Variants in WFDC9 observed in about 807,000 individuals in gnomAD.
WFDC9 encodes protein WFDC9.
Under a neutral mutation model 9.5 loss-of-function variants are expected in WFDC9, and 9 were observed. That is an observed-to-expected ratio of 0.95 (90% CI 0.57 to 1.65). WFDC9 has a LOEUF of 1.65. WFDC9 is among the 40% of genes most tolerant of loss of function. The pLI, the probability that WFDC9 is intolerant of heterozygous loss-of-function variation, is 0.00. For synonymous variants in WFDC9, 33 were observed against 32.3 expected (o/e 1.02, Z -0.07); for missense variants, 87 against 106.7 (o/e 0.82, Z 0.81).
Position 45,630,042 on chromosome 20 carries a change from A to G in WFDC9, c.-153+1161T>C, listed in dbSNP as rs934923911. On this transcript the variant is annotated intron_variant, in intron 1 of 4. Coordinates refer to ENST00000326000, the MANE Select transcript of WFDC9 (RefSeq NM_147198.4). ...GACCACAATGTTGTGTAGACTCTGG[A>G]CTGTCCCTAAACCATGGCCCTCCAG... 22 of 1,265,014 alleles carry G rather than the reference A, an allele frequency of 1.7e-5. No individual in the cohort carries two copies. In the Admixed American group the frequency reaches 3.2e-4, roughly 18 times the overall value. 78.4% of individuals were successfully genotyped at this position (1,265,014 alleles called of 1,614,324 possible). A position where few individuals can be genotyped will look rare whatever the true frequency, so the allele number is the denominator to read the frequency against.
At chr20:45,617,242 G>A (rs967099196) in intron 1 of WFDC9, among the ~76,000 whole-genome samples, 3 of 152,148 alleles carry the variant, frequency 2.0e-5, no homozygotes, top group African/African-American at 7.2e-5. Flanking sequence ...AGATCACAAG[G>A]TCAGAATTTC....
At chr20:45,617,620 G>A (rs576404457) in intron 1 of WFDC9, among the ~76,000 whole-genome samples, 45 of 152,052 alleles carry the variant, frequency 3.0e-4, no homozygotes, top group East Asian at 5.8e-4. Flanking sequence ...TCATCCTCCC[G>A]AGTAGCTAGG....
rs759588269 is a variant in WFDC9 at position 45,608,658 on chromosome 20, C to T, written c.239+5G>A. 1.9e-5 allele frequency: 30 copies of T among 1,609,884 alleles called. No individual in the cohort carries two copies. In the Admixed American group the frequency reaches 5.0e-4, roughly 27 times the overall value. ...GCCCTAGCCTTCCCACCCCAACCAA[C>T]TCACTCGTTGTCTAAGCAGATGTTT... On this transcript the variant is annotated splice_donor_5th_base_variant and intron_variant, in intron 4 of 4. Transcript: ENST00000326000.
At chr20:45,615,102 A>G (rs1394306583) in intron 1 of WFDC9, among the ~76,000 whole-genome samples, 4 of 152,206 alleles carry the variant, frequency 2.6e-5, no homozygotes, top group South Asian at 2.1e-4. Context: ...TCTTTTACCA[A>G]TAAAATCATA....
chr20:45,609,790 G>T (rs2425713), intron 3 of WFDC9, among the ~76,000 whole-genome samples: 52,093 of 151,928 alleles, frequency 0.34, 9,072 homozygotes, highest in Middle Eastern at 0.43. Context: ...GAAAATATGG[G>T]CTTGGAGGGA....
chr20:45,616,856 A>C (rs1409954943), intron 1 of WFDC9, among the ~76,000 whole-genome samples: 3 of 152,204 alleles, frequency 2.0e-5, no homozygotes, highest in Non-Finnish European at 2.9e-5. Flanking sequence ...TATAGAGCAG[A>C]GCAAGAGCAG....
chr20:45,627,800 A>C (rs1167880615), intron 1 of WFDC9, among the ~76,000 whole-genome samples: 1 of 152,112 alleles, frequency 6.6e-6, no homozygotes, highest in Non-Finnish European at 1.5e-5. Context: ...TTTTAGACTA[A>C]TTTCTAATTA....
intron 1 of WFDC9, chr20:45,629,731 C>T: frequency 6.6e-7 from 1 of 1,508,884 alleles, no homozygotes; most frequent in Non-Finnish European, 9.0e-7. Flanking sequence ...TCCTTCTTTC[C>T]TTCCTTCACT....
chr20:45,610,212 C>T lies in WFDC9; in HGVS notation c.-31G>A. The T allele has an allele frequency of 6.2e-7, 1 of 1,600,244 alleles. No individual in the cohort carries two copies. The highest frequency in any genetic ancestry group is 8.6e-7 in the Non-Finnish European group (1 of 1,168,602). On this transcript the variant is annotated 5_prime_UTR_variant, in exon 3 of 5. Coordinates refer to ENST00000326000, the MANE Select transcript of WFDC9 (RefSeq NM_147198.4). Reference sequence around the variant, plus strand: ...TCTCTGTGTGTATTTGGGTTAAGTTCTGGCAGAAGGCAAGTCTTTTCCCAA... The same window carrying T: ...TCTCTGTGTGTATTTGGGTTAAGTTTTGGCAGAAGGCAAGTCTTTTCCCAA...
intron 1 of WFDC9, among the ~76,000 whole-genome samples, chr20:45,627,229 T>C (rs1440996886): frequency 6.6e-6 from 1 of 152,192 alleles, no homozygotes; most frequent in Non-Finnish European, 1.5e-5. Context: ...TAGTATTTTG[T>C]TGAGGATTTT....
chr20:45,627,557 G>A (rs1982248181), intron 1 of WFDC9, among the ~76,000 whole-genome samples: 1 of 152,056 alleles, frequency 6.6e-6, no homozygotes, highest in Non-Finnish European at 1.5e-5. Context: ...TAGGTTGTAT[G>A]TGTTCAAGAA....
At chr20:45,624,489 C>A (rs568610524) in intron 1 of WFDC9, among the ~76,000 whole-genome samples, 125 of 152,260 alleles carry the variant, frequency 8.2e-4, no homozygotes, top group Middle Eastern at 3.4e-3. Context: ...TAGGTTGAGT[C>A]TGTATCTCGG....
intron 1 of WFDC9, chr20:45,629,799 G>T (rs769748550): frequency 1.2e-6 from 2 of 1,612,306 alleles, no homozygotes; most frequent in Admixed American, 3.3e-5. Flanking sequence ...TAGGGCTCAC[G>T]ATCTGATCAG....
At chr20:45,608,624 C>T in intron 4 of WFDC9, 39 bp downstream of exon 4, 6 of 1,588,586 alleles carry the variant, frequency 3.8e-6, no homozygotes, top group Non-Finnish European at 5.1e-6. Context: ...AGTGATGAAG[C>T]ATGCCCAGGC....
intron 3 of WFDC9, 103 bp downstream of exon 3, chr20:45,609,988 A>T (rs1981824263): frequency 2.3e-6 from 2 of 856,664 alleles, no homozygotes; most frequent in Non-Finnish European, 3.7e-6. Flanking sequence ...CTACTTAAGG[A>T]GAGATCCTTT....
chr20:45,622,729 A>G (rs569139880), intron 1 of WFDC9, among the ~76,000 whole-genome samples: 5 of 152,192 alleles, frequency 3.3e-5, no homozygotes, highest in Admixed American at 1.3e-4. Context: ...AAATGATGCC[A>G]ATATCTACTC....
At chr20:45,625,745 T>C (rs1393226567) in intron 1 of WFDC9, among the ~76,000 whole-genome samples, 1 of 150,686 alleles carries the variant, frequency 6.6e-6, no homozygotes, top group African/African-American at 2.4e-5. Context: ...TGAATGTTCT[T>C]GGCATCTTTG....
At chr20:45,619,520 G>A (rs1982046354) in intron 1 of WFDC9, among the ~76,000 whole-genome samples, 1 of 152,038 alleles carries the variant, frequency 6.6e-6, no homozygotes. Context: ...AGAAATACTA[G>A]AGAAAAGCTT....
At chr20:45,620,484 C>T (rs914966038) in intron 1 of WFDC9, among the ~76,000 whole-genome samples, 1 of 151,996 alleles carries the variant, frequency 6.6e-6, no homozygotes, top group African/African-American at 2.4e-5. Flanking sequence ...CCCAGCTATT[C>T]GGGAGGCTGA....
Sources: allele counts gnomAD v4.1 joint callset (sites outside exome capture counted in the v4.1 genomes callset), GRCh38; gene constraint gnomAD v4.1.1; transcripts MANE v1.5; gene names NCBI Gene and HGNC (gene_info 2026-07-23, HGNC 2026-07-21).